Variants in PLCG2 observed in about 807,000 individuals in gnomAD.
PLCG2 encodes 1-phosphatidylinositol 4,5-bisphosphate phosphodiesterase gamma-2.
Under a neutral mutation model 175.6 loss-of-function variants are expected in PLCG2, and 69 were observed. That is an observed-to-expected ratio of 0.39 (90% CI 0.32 to 0.48). The LOEUF (loss-of-function observed/expected upper bound fraction) is 0.48, where lower values mean the gene tolerates loss of function less well. Among genes scored for constraint, PLCG2 ranks in the 20% least tolerant of loss-of-function variants. The pLI is 0.91. For synonymous variants in PLCG2, 827 were observed against 624.0 expected (o/e 1.33, Z -4.85); for missense variants, 1,798 against 1,650.9 (o/e 1.09, Z -1.54).
intron 5 of PLCG2, among the ~76,000 whole-genome samples, chr16:81,861,431 T>G (rs1423665890): frequency 6.6e-6 from 1 of 152,208 alleles, no homozygotes; most frequent in African/African-American, 2.4e-5. Flanking sequence ...TGGGAGGATT[T>G]GGAACTATTA....
chr16:81,831,666 G>A lies in PLCG2; in HGVS notation c.194-22778G>A, dbSNP rs535394272. Among the ~76,000 whole-genome samples the A allele has an allele frequency of 3.3e-5, 5 of 152,270 alleles. No individual in the cohort carries two copies. The South Asian group carries it at 1.0e-3, about 31-fold the overall frequency. On this transcript the variant is annotated intron_variant, in intron 2 of 32. Transcript: ENST00000564138. ...AGTCCAGCAGGCATTTGTACCCCGA[G>A]TGGGACTCAGATCCTTGTGTTAGGG...
intron 5 of PLCG2, 112 bp from the exon 6 acceptor site, chr16:81,869,102 T>C: frequency 2.7e-6 from 2 of 744,622 alleles, no homozygotes; most frequent in Non-Finnish European, 4.8e-6. Flanking sequence ...AAATAACTGT[T>C]GACCAGGCTC....
chr16:81,847,302 A>G (rs575446022), intron 2 of PLCG2, among the ~76,000 whole-genome samples: 1 of 152,344 alleles, frequency 6.6e-6, no homozygotes, highest in South Asian at 2.1e-4. Flanking sequence ...TGTGTTTAGC[A>G]ACCAAGAAGC....
chr16:81,906,727 A>G (rs1221156172), intron 15 of PLCG2, among the ~76,000 whole-genome samples: 1 of 152,206 alleles, frequency 6.6e-6, no homozygotes, highest in African/African-American at 2.4e-5. Flanking sequence ...CCCAGCCAAA[A>G]ATGGCAATAT....
intron 2 of PLCG2, among the ~76,000 whole-genome samples, chr16:81,801,407 T>G (rs1473533619): frequency 6.6e-6 from 1 of 152,222 alleles, no homozygotes; most frequent in Non-Finnish European, 1.5e-5. Context: ...TGTGTATCCC[T>G]CAAGCAACTT....
At position 81,938,848 on chromosome 16, in the gene PLCG2, T is replaced by C; in HGVS notation, c.3246T>C (p.Cys1082=). 3.1e-6 allele frequency: 5 copies of C among 1,613,792 alleles called. No individual in the cohort carries two copies. Among genetic ancestry groups the C allele is most frequent in the Non-Finnish European group, 4.2e-6 (5 of 1,179,876 alleles). Residue 1082 remains cysteine, a synonymous_variant, in exon 29 of 33, where the codon TGT becomes TGC. Coordinates refer to ENST00000564138, the MANE Select transcript of PLCG2 (RefSeq NM_002661.5). ...HLPKLGRSIA[C]PFVEVEICGA... The stretch of plus-strand genomic sequence containing the variant: ...CCAAACTTGGACGAAGTATTGCCTG[T>C]CCCTTTGTAGAAGTGGAGATCTGTG...
rs576691477 is a variant in PLCG2 at position 81,932,523 on chromosome 16, C to A, written c.2739+869C>A. 1.6e-3 allele frequency among the ~76,000 whole-genome samples: 250 copies of A among 152,312 alleles called. 1 individual carries two copies. Among genetic ancestry groups the A allele is most frequent in the African/African-American group, 5.7e-3 (238 of 41,568 alleles). On this transcript the variant is annotated intron_variant, in intron 25 of 32. Transcript: ENST00000564138. Reference sequence around the variant, plus strand: ...CTTGACCCAAAGGGCTGATTAAAGCCTTCCTGGGGCCTCTTGTGCCCTCTG... The same window carrying A: ...CTTGACCCAAAGGGCTGATTAAAGCATTCCTGGGGCCTCTTGTGCCCTCTG...
rs779252843 is a variant in PLCG2, at chr16:81,874,953, T to TTTGTTTTTTTTTTTC, written c.648+4020_648+4021insGTTTTTTTTTTTCTT. 8.1e-5 allele frequency among the ~76,000 whole-genome samples: 10 copies of TTTGTTTTTTTTTTTC among 122,954 alleles called. 1 individual carries two copies. The South Asian group carries it at 2.3e-3, about 29-fold the overall frequency. 80.7% of individuals were successfully genotyped at this position (122,954 alleles called of 152,430 possible). A position where few individuals can be genotyped will look rare whatever the true frequency, so the allele number is the denominator to read the frequency against. On this transcript the variant is annotated intron_variant, in intron 7 of 32. Coordinates refer to ENST00000564138, the MANE Select transcript of PLCG2 (RefSeq NM_002661.5). ...TGCTAGGCACTATCCTATGTGTTTT[T>TTTGTTTTTTTTTTTC]TTTTTTTTTTTTTTTTTTTTTTTTA...
At chr16:81,928,750 C>A in intron 24 of PLCG2, 126 bp downstream of exon 24, 1 of 696,706 alleles carries the variant, frequency 1.4e-6, no homozygotes, top group South Asian at 1.6e-5. Flanking sequence ...CCTTCCCTGG[C>A]TGAAGCTGAG....
intron 2 of PLCG2, among the ~76,000 whole-genome samples, chr16:81,821,316 C>T (rs1021412837): frequency 2.6e-5 from 4 of 152,226 alleles, no homozygotes; most frequent in African/African-American, 9.6e-5. Flanking sequence ...ATTGTTGTCT[C>T]TTGCTGTGTA....
chr16:81,906,960 C>A (rs1221590718), intron 15 of PLCG2, among the ~76,000 whole-genome samples: 2 of 150,604 alleles, frequency 1.3e-5, no homozygotes, highest in Non-Finnish European at 2.9e-5. Context: ...ATTACTTGAA[C>A]CCGGGAGGCG....
chr16:81,784,213 G>A (rs1910869226), intron 1 of PLCG2, among the ~76,000 whole-genome samples: 1 of 152,132 alleles, frequency 6.6e-6, no homozygotes, highest in African/African-American at 2.4e-5. Context: ...CAAATCCTGG[G>A]CCCCTCCCCA....
At chr16:81,884,643 A>C (rs1473688419) in intron 9 of PLCG2, among the ~76,000 whole-genome samples, 2 of 152,088 alleles carry the variant, frequency 1.3e-5, no homozygotes, top group Non-Finnish European at 2.9e-5. Context: ...GTCTTTTCAC[A>C]TATAAATCTC....
At chr16:81,853,308 G>T (rs1314803615) in intron 2 of PLCG2, among the ~76,000 whole-genome samples, 2 of 149,054 alleles carry the variant, frequency 1.3e-5, no homozygotes, top group Non-Finnish European at 3.0e-5. Flanking sequence ...TCCAGACTGG[G>T]TGACAGAGTG....
At chr16:81,892,477 C>A (rs1428953407) in intron 11 of PLCG2, among the ~76,000 whole-genome samples, 2 of 152,052 alleles carry the variant, frequency 1.3e-5, no homozygotes, top group Admixed American at 1.3e-4. Context: ...AGGGGGTCAT[C>A]TGGGAAAAGG....
At chr16:81,895,286 C>G (rs777969578) in intron 12 of PLCG2, among the ~76,000 whole-genome samples, 1 of 152,324 alleles carries the variant, frequency 6.6e-6, no homozygotes, top group African/African-American at 2.4e-5. Flanking sequence ...TGAGGTTGGG[C>G]GTGGTGGCTC....
At chr16:81,840,260 C>G (rs1234958762) in intron 2 of PLCG2, among the ~76,000 whole-genome samples, 1 of 152,182 alleles carries the variant, frequency 6.6e-6, no homozygotes, top group Non-Finnish European at 1.5e-5. Context: ...GCTGCCCACC[C>G]TGTCATGGCC....
chr16:81,909,025 C>T (rs997585611), intron 17 of PLCG2, among the ~76,000 whole-genome samples: 10 of 152,152 alleles, frequency 6.6e-5, no homozygotes, highest in African/African-American at 2.2e-4. Flanking sequence ...CTTTTGAAGC[C>T]GTCATAGGCT....
intron 31 of PLCG2, 62 bp from the exon 32 acceptor site, chr16:81,956,633 T>C: frequency 6.8e-7 from 1 of 1,461,022 alleles, no homozygotes; most frequent in Non-Finnish European, 9.4e-7. Flanking sequence ...AGATGCCAGG[T>C]TCACATTTTG....
Sources: allele counts gnomAD v4.1 joint callset (sites outside exome capture counted in the v4.1 genomes callset), GRCh38; gene constraint gnomAD v4.1.1; transcripts MANE v1.5; gene names NCBI Gene and HGNC (gene_info 2026-07-23, HGNC 2026-07-21).